SDAD1: variants seen among roughly 807,000 people sequenced by gnomAD.
The protein encoded by SDAD1 is SDA1 domain containing 1, also known as protein SDA1 homolog.
A neutral mutation model predicts 100.3 loss-of-function variants in SDAD1; 79 were observed. The observed-to-expected ratio is 0.79, with a 90% CI of 0.66 to 0.95. The LOEUF (loss-of-function observed/expected upper bound fraction) is 0.95. Ranked by LOEUF, SDAD1 falls within the 40% of genes least tolerant of loss-of-function variation. SDAD1 has a pLI of 0.00. For synonymous variants in SDAD1, 267 were observed against 271.4 expected, an observed-to-expected ratio of 0.98 and a Z score of 0.16; for missense variants, 790 against 810.9, an observed-to-expected ratio of 0.97 and a Z score of 0.31.
At chr4:75,982,118 G>T in intron 1 of SDAD1, 81 bp from the exon 2 acceptor site, 1 of 766,778 alleles carries the variant, frequency 1.3e-6, no homozygotes, top group Non-Finnish European at 2.1e-6. Flanking sequence ...GAAATTCTTA[G>T]TAGAAACTGT....
chr4:75,965,639 A>T lies in SDAD1; in HGVS notation c.1104+125T>A. ...TTCCCTTCATTTCTCAGACCATCTG[A>T]CAAGAAATAGAAAAAAACCCACGTT... On this transcript the variant is annotated intron_variant, in intron 13 of 21. Coordinates refer to ENST00000356260, the MANE Select transcript of SDAD1 (RefSeq NM_018115.4). 6 of 777,190 alleles carry T rather than the reference A, an allele frequency of 7.7e-6. No homozygotes were observed. The South Asian group carries it at 8.8e-5, about 11-fold the overall frequency. The allele number at this position is 777,190 out of a possible 1,614,324, so 48.1% of individuals were successfully genotyped here. A position where few individuals can be genotyped will look rare whatever the true frequency, so the allele number is the denominator to read the frequency against.
chr4:75,958,706 A>C (rs1020885006), intron 17 of SDAD1, among the ~76,000 whole-genome samples: 1 of 151,506 alleles, frequency 6.6e-6, no homozygotes, highest in African/African-American at 2.4e-5. Context: ...ATCCTTCAAG[A>C]CTTTGCTCAC....
intron 1 of SDAD1, among the ~76,000 whole-genome samples, chr4:75,986,953 G>A (rs188388843): frequency 6.6e-6 from 1 of 152,196 alleles, no homozygotes; most frequent in East Asian, 1.9e-4. Flanking sequence ...AGGAGGTTGA[G>A]GCTGCAGTGA....
At chr4:75,968,705 G>A (rs1171093459) in intron 11 of SDAD1, among the ~76,000 whole-genome samples, 2 of 152,110 alleles carry the variant, frequency 1.3e-5, no homozygotes, top group South Asian at 2.1e-4. Flanking sequence ...AAGAAAATGT[G>A]TATGCGTAAC....
intron 1 of SDAD1, among the ~76,000 whole-genome samples, chr4:75,984,137 A>G (rs1730723243): frequency 6.8e-6 from 1 of 147,706 alleles, no homozygotes; most frequent in African/African-American, 2.5e-5. Context: ...GTTCTATTCT[A>G]TTGGTCTATG....
In SDAD1 at chr4:75,990,770, C is replaced by A. The variant is rs750028406; in HGVS notation, c.72G>T (p.Pro24=). 33 of 1,614,126 alleles carry A rather than the reference C, an allele frequency of 2.0e-5. No homozygotes were observed. Among genetic ancestry groups the A allele is most frequent in the Non-Finnish European group, 2.7e-5 (32 of 1,180,020 alleles). The change falls in exon 1 of 22, where the codon CCG becomes CCT. Residue 24 remains proline, a synonymous_variant. Transcript: ENST00000356260. ...CTCCCACCTCCTCGATGTAGGCCGGCGGGTCTCGCTTGATTAGATTCTGTA... is the reference window on the plus strand; with the variant it reads ...CTCCCACCTCCTCGATGTAGGCCGGAGGGTCTCGCTTGATTAGATTCTGTA... ...PQLQNLIKRD[P]PAYIEEFLQQ...
chr4:75,958,905 A>G (rs1487321226), intron 17 of SDAD1, among the ~76,000 whole-genome samples: 2 of 151,180 alleles, frequency 1.3e-5, no homozygotes, highest in Admixed American at 6.6e-5. Flanking sequence ...AGACCATCCT[A>G]GCTAAAACGG....
rs778848101 is a variant in SDAD1, at chr4:75,990,787, G to C, written c.55C>G (p.Leu19Val). ...TAGGCCGGCGGGTCTCGCTTGATTA[G>C]ATTCTGTAACTGCGGCAGGTTGCTG... The part of the protein sequence containing the change: ...LPSNLPQLQN[L>V]IKRDPPAYIE... The change falls in exon 1 of 22, where the codon CTA (leucine) becomes GTA (valine). Residue 19 changes from leucine to valine, a missense_variant. By Grantham distance (32) the Leu-to-Val change is conservative (BLOSUM62 1). Transcript: ENST00000356260. The C allele has an allele frequency of 3.7e-6, 6 of 1,614,038 alleles. No individual in the cohort carries two copies. In the African/African-American group the frequency reaches 5.3e-5, roughly 14 times the overall value.
chr4:75,964,634 G>A (rs1729437302), intron 13 of SDAD1, among the ~76,000 whole-genome samples: 1 of 152,194 alleles, frequency 6.6e-6, no homozygotes, highest in African/African-American at 2.4e-5. Flanking sequence ...AGGGGGGACA[G>A]TAACCCTTGT....
chr4:75,985,009 C>G (rs538946546), intron 1 of SDAD1, among the ~76,000 whole-genome samples: 26 of 152,162 alleles, frequency 1.7e-4, no homozygotes, highest in Non-Finnish European at 3.4e-4. Context: ...CAGATAGAAC[C>G]ACTTCTCTCT....
At chr4:75,971,597 G>A (rs1204027104) in intron 8 of SDAD1, 139 bp from the exon 9 acceptor site, 13 of 651,922 alleles carry the variant, frequency 2.0e-5, no homozygotes, top group Admixed American at 8.5e-5. Context: ...TAGACTGGGC[G>A]CAGTGGCTCA....
chr4:75,956,379 AGG>A (rs1728892747), intron 20 of SDAD1, among the ~76,000 whole-genome samples: 1 of 150,492 alleles, frequency 6.6e-6, no homozygotes, highest in Non-Finnish European at 1.5e-5. Flanking sequence ...CTTCCTAGAA[AGG>A]GAGACAGGTA....
At chr4:75,962,402 G>A (rs28809567) in intron 14 of SDAD1, among the ~76,000 whole-genome samples, 4 of 152,086 alleles carry the variant, frequency 2.6e-5, no homozygotes, top group Non-Finnish European at 4.4e-5. Flanking sequence ...ATAATCCTTC[G>A]GGTATATACC....
At chr4:75,959,904 A>T (rs576855012) in intron 17 of SDAD1, among the ~76,000 whole-genome samples, 162 bp downstream of exon 17, 2 of 152,316 alleles carry the variant, frequency 1.3e-5, no homozygotes, top group East Asian at 3.9e-4. Flanking sequence ...CAAGAGGAGG[A>T]ACCATGCTCA....
intron 20 of SDAD1, among the ~76,000 whole-genome samples, chr4:75,956,592 G>A (rs1030277163): frequency 1.3e-5 from 2 of 152,172 alleles, no homozygotes; most frequent in Non-Finnish European, 2.9e-5. Context: ...AGAAAATGAT[G>A]TTGGAAATGT....
chr4:75,958,718 C>G lies in SDAD1; in HGVS notation c.1484-777G>C, dbSNP rs564518316. Among the ~76,000 whole-genome samples the G allele has an allele frequency of 4.0e-5, 6 of 151,798 alleles. No individual in the cohort carries two copies. The South Asian group carries it at 1.3e-3, about 32-fold the overall frequency. On this transcript the variant is annotated intron_variant, in intron 17 of 21. Coordinates refer to ENST00000356260, the MANE Select transcript of SDAD1 (RefSeq NM_018115.4). ...TAAATCCTTCAAGACTTTGCTCACA[C>G]TTTGCCTGGAAAGTCTCTGCTATTC...
chr4:75,975,963 CT>C lies in SDAD1; in HGVS notation c.437del (p.Lys146ArgfsTer3). 1 of 1,603,618 alleles carries C rather than the reference CT, an allele frequency of 6.2e-7. No homozygotes were observed. The highest frequency in any genetic ancestry group is 8.5e-7 in the Non-Finnish European group (1 of 1,170,630). ...TGTTCTTGTGTTTTGCATTTATATT[CT>C]TGATATCAGTCACAATATGTGTGTA... ...TLYTHIVTDI[K>X]NINAKHKNNK... is the part of the protein sequence containing the mutation. On this transcript the variant is annotated frameshift_variant, in exon 5 of 22. Coordinates refer to ENST00000356260, the MANE Select transcript of SDAD1 (RefSeq NM_018115.4). LOFTEE classifies it high-confidence loss of function.
chr4:75,979,735 G>A (rs912869655), intron 3 of SDAD1, among the ~76,000 whole-genome samples: 34 of 152,120 alleles, frequency 2.2e-4, no homozygotes, highest in African/African-American at 8.0e-4. Context: ...GATTACAGGC[G>A]TGAGCCACCG....
intron 14 of SDAD1, 71 bp downstream of exon 14, chr4:75,964,064 A>C: frequency 9.9e-7 from 1 of 1,006,808 alleles, no homozygotes; most frequent in East Asian, 2.5e-5. Flanking sequence ...ACAATCTTAC[A>C]TCTTGGTAAC....
Sources: gnomAD v4.1 joint callset for allele counts (sites outside exome capture counted in the v4.1 genomes callset) on GRCh38, gnomAD v4.1.1 for gene constraint, MANE v1.5 for transcripts, NCBI Gene and HGNC (gene_info 2026-07-23, HGNC 2026-07-21) for gene names.